The following ZNF846 variants were observed in gnomAD, a reference collection of about 807,000 sequenced individuals.
The protein encoded by ZNF846 is zinc finger protein 846, also known as zinc finger protein 420 pseudogene.
A neutral mutation model predicts 16.0 loss-of-function variants in ZNF846; 15 were observed. The observed-to-expected ratio is 0.94, with a 90% CI of 0.63 to 1.45. The LOEUF (loss-of-function observed/expected upper bound fraction) is 1.45. ZNF846 is among the 40% of genes most tolerant of loss of function. ZNF846 has a pLI of 0.00. For missense variants in ZNF846, 714 were observed against 622.3 expected (o/e 1.15, Z -1.57); for synonymous variants, 229 against 212.0 (o/e 1.08, Z -0.70).
downstream of ZNF846, among the ~76,000 whole-genome samples, chr19:9,754,522 G>A (rs990843677): frequency 3.7e-5 from 5 of 134,226 alleles, no homozygotes; most frequent in Admixed American, 1.7e-4. Context: ...CCGGGATCTT[G>A]CCATTGCACT....
At chr19:9,758,381 C>T in exon 6 of ZNF846, 1 of 1,613,210 alleles carries the variant, frequency 6.2e-7, no homozygotes, top group South Asian at 1.1e-5. Context: ...TGAAGGCTTT[C>T]CCACATTCCT....
rs1405369675 is a variant in ZNF846 at position 9,764,838 on chromosome 19, T to C, written c.15+98A>G. 3.5e-6 allele frequency: 5 copies of C among 1,410,170 alleles called. No homozygotes were observed. In the East Asian group the frequency reaches 1.1e-4, roughly 32 times the overall value. The allele number at this position is 1,410,170 out of a possible 1,614,324, so 87.4% of individuals were successfully genotyped here. A position where few individuals can be genotyped will look rare whatever the true frequency, so the allele number is the denominator to read the frequency against. On this transcript the variant is annotated intron_variant, in intron 2 of 5. Transcript: ENST00000397902. ...GGGAGTTATTTCCTGAGCAGGACCA[T>C]CATTTCTTTAAGATGCTTGAATACA...
downstream of ZNF846, among the ~76,000 whole-genome samples, chr19:9,757,048 A>C (rs912269654): frequency 6.6e-6 from 1 of 151,530 alleles, no homozygotes; most frequent in Non-Finnish European, 1.5e-5. Context: ...ACAAAAAATT[A>C]GCTGGGCATG....
chr19:9,777,317 T>A lies in ZNF846; in HGVS notation c.-86+8621A>T, dbSNP rs572315332. Among the ~76,000 whole-genome samples, 15 of 151,512 alleles carry A rather than the reference T, an allele frequency of 9.9e-5. No homozygotes were observed. In the South Asian group the frequency reaches 3.1e-3, roughly 32 times the overall value. On this transcript the variant is annotated intron_variant, in intron 1 of 4. Transcript: ENST00000586814. ...ACTGCACTCCAGCCTGGGCAACAAA[T>A]CAAGACCCTATCTTTAAACAAACAA...
chr19:9,766,793 G>A (rs1376666118), intron 1 of ZNF846, among the ~76,000 whole-genome samples: 2 of 151,714 alleles, frequency 1.3e-5, no homozygotes, highest in East Asian at 2.0e-4. Flanking sequence ...CCAGCTACTC[G>A]GGAGGCCAAG....
upstream of ZNF846, among the ~76,000 whole-genome samples, chr19:9,772,478 T>C (rs908185700): frequency 1.5e-4 from 22 of 151,602 alleles, no homozygotes; most frequent in African/African-American, 5.1e-4. Flanking sequence ...CACGCACCTG[T>C]AATCACAGCT....
At position 9,757,567 on chromosome 19, in the gene ZNF846, TTGC is replaced by T. The variant is rs745993707; in HGVS notation, c.1507_1509del (p.Ala503del). The T allele has an allele frequency of 1.2e-5, 19 of 1,613,582 alleles. 1 individual carries two copies. In the South Asian group the frequency reaches 2.0e-4, roughly 17 times the overall value. ...CCACATTTCTTACATTCATATGGTTTTGCTCCAGTGTGAGTTCGTGTGTGAACG... is the reference window on the plus strand; with the variant it reads ...CCACATTTCTTACATTCATATGGTTTTCCAGTGTGAGTTCGTGTGTGAACG... On this transcript the variant is annotated inframe_deletion, in exon 6 of 6. Transcript: ENST00000397902.
chr19:9,782,959 T>C (rs1423712619), intron 1 of ZNF846, among the ~76,000 whole-genome samples: 1 of 151,784 alleles, frequency 6.6e-6, no homozygotes, highest in Non-Finnish European at 1.5e-5. Flanking sequence ...TCTTGCTCTG[T>C]CACCCAGGAT....
chr19:9,780,360 C>T (rs2045490707), intron 1 of ZNF846, among the ~76,000 whole-genome samples: 1 of 152,162 alleles, frequency 6.6e-6, no homozygotes, highest in African/African-American at 2.4e-5. Flanking sequence ...TGTGCCACCA[C>T]ACCCAGCAAG....
At chr19:9,774,670 A>G in intron 1 of ZNF846, 1 of 1,474,418 alleles carries the variant, frequency 6.8e-7, no homozygotes, top group African/African-American at 1.4e-5. Context: ...TCAACTTTCC[A>G]GCAGAGTATC....
intron 1 of ZNF846, among the ~76,000 whole-genome samples, chr19:9,778,516 A>G (rs1036679161): frequency 6.6e-6 from 1 of 152,176 alleles, no homozygotes; most frequent in Non-Finnish European, 1.5e-5. Context: ...AAAAGAAACC[A>G]TGAGGGGGCC....
chr19:9,778,969 T>C (rs966644701), intron 1 of ZNF846, among the ~76,000 whole-genome samples: 1 of 152,034 alleles, frequency 6.6e-6, no homozygotes, highest in Admixed American at 6.6e-5. Flanking sequence ...TATGCTAGTA[T>C]ATAAGAAAAC....
downstream of ZNF846, among the ~76,000 whole-genome samples, chr19:9,749,890 G>A (rs914604985): frequency 6.6e-6 from 1 of 152,028 alleles, no homozygotes; most frequent in Non-Finnish European, 1.5e-5. Flanking sequence ...GCATTAAAAA[G>A]CGGCCACACT....
At chr19:9,779,880 C>CTT (rs770205406) in intron 1 of ZNF846, among the ~76,000 whole-genome samples, 5 of 140,612 alleles carry the variant, frequency 3.6e-5, no homozygotes, top group Non-Finnish European at 4.7e-5. Context: ...GCCATCACGA[C>CTT]TTTTTTTTTT....
At chr19:9,772,039 T>C (rs2045394203), upstream of ZNF846, among the ~76,000 whole-genome samples, 1 of 152,178 alleles carries the variant, frequency 6.6e-6, no homozygotes, top group African/African-American at 2.4e-5. Flanking sequence ...CTGCTGGGAA[T>C]ACAGGTGTGA....
chr19:9,776,929 A>G (rs2045449871), intron 1 of ZNF846, among the ~76,000 whole-genome samples: 1 of 151,976 alleles, frequency 6.6e-6, no homozygotes, highest in Admixed American at 6.6e-5. Flanking sequence ...TTTCTAAATC[A>G]GAAAGCTCTG....
At chr19:9,758,616 T>G in exon 6 of ZNF846, 1 of 1,613,166 alleles carries the variant, frequency 6.2e-7, no homozygotes, top group Non-Finnish European at 8.5e-7. Flanking sequence ...ATGAGGAAAG[T>G]TCTTTCTTAA....
At chr19:9,768,835 T>G (rs1347348783), upstream of ZNF846, 1 of 152,220 alleles carries the variant, frequency 6.6e-6, no homozygotes, top group Admixed American at 6.5e-5. Context: ...GATGTGAAGC[T>G]GAGAGAAGAG....
intron 1 of ZNF846, among the ~76,000 whole-genome samples, chr19:9,766,773 A>G (rs2045321633): frequency 6.6e-6 from 1 of 151,658 alleles, no homozygotes. Context: ...GGTGGCATGC[A>G]CCTGTAGTTC....
Sources: allele counts gnomAD v4.1 joint callset (sites outside exome capture counted in the v4.1 genomes callset), GRCh38; gene constraint gnomAD v4.1.1; transcripts MANE v1.5; gene names NCBI Gene and HGNC (gene_info 2026-07-23, HGNC 2026-07-21).